The following ERICH6B variants were observed in gnomAD, a reference collection of about 807,000 sequenced individuals.
ERICH6B encodes the protein glutamate rich 6B.
ERICH6B carries 69 observed loss-of-function variants against 80.0 expected under a neutral mutation model. The ratio of observed to expected loss-of-function variants is 0.86; its 90% CI spans 0.71 to 1.05. ERICH6B has a LOEUF of 1.05. Among genes scored for constraint, ERICH6B ranks in the 50% least tolerant of loss-of-function variants. The pLI is 0.00. For missense variants in ERICH6B, 754 were observed against 796.1 expected (o/e 0.95, Z 0.64); for synonymous variants, 283 against 291.9 (o/e 0.97, Z 0.31).
chr13:45,567,433 G>A (rs1462907955), intron 9 of ERICH6B, among the ~76,000 whole-genome samples: 1 of 152,102 alleles, frequency 6.6e-6, no homozygotes, highest in Non-Finnish European at 1.5e-5. Context: ...GTTGTGAGAG[G>A]GACCCAGTGG....
chr13:45,550,025 G>C lies in ERICH6B; in HGVS notation c.1514C>G (p.Ala505Gly). ...CATTTTCGCATATAAGATGAGCATA[G>C]CCAGGTTTCCTGATGGATAACTGGG... The part of the protein sequence containing the change: ...GQIHYPSGNL[A>G]MLILYAKMKK... The change falls in exon 13 of 15, where the codon GCT (alanine) becomes GGT (glycine). Residue 505 changes from alanine to glycine, a missense_variant. Ala to Gly is a moderately conservative substitution (Grantham distance 60). Transcript: ENST00000298738. The C allele has an allele frequency of 6.4e-7, 1 of 1,551,854 alleles. No individual in the cohort carries two copies. The highest frequency in any genetic ancestry group is 8.7e-7 in the Non-Finnish European group (1 of 1,147,094).
At position 45,590,711 on chromosome 13, in the gene ERICH6B, G is replaced by C. The variant is rs1303040796; in HGVS notation, c.638-14C>G. On this transcript the variant is annotated splice_polypyrimidine_tract_variant and intron_variant, in intron 3 of 14. Transcript: ENST00000298738. ...TTGCCTTGGGTTCTATTGGAAAAAA[G>C]AATAAAAAAGCAATATTGGCAAAAA... 8.4e-6 allele frequency: 13 copies of C among 1,548,748 alleles called. No homozygotes were observed. The highest frequency in any genetic ancestry group is 1.1e-5 in the Non-Finnish European group (13 of 1,145,890).
intron 11 of ERICH6B, among the ~76,000 whole-genome samples, chr13:45,560,500 C>G (rs1486574992): frequency 6.6e-6 from 1 of 152,178 alleles, no homozygotes; most frequent in African/African-American, 2.4e-5. Flanking sequence ...CATTAGGGTT[C>G]TCTCTTGATG....
chr13:45,542,934 C>G (rs1873841099), intron 14 of ERICH6B, among the ~76,000 whole-genome samples: 1 of 152,218 alleles, frequency 6.6e-6, no homozygotes, highest in South Asian at 2.1e-4. Flanking sequence ...CCACCCTAAA[C>G]CTAGCACACT....
intron 12 of ERICH6B, 33 bp from the exon 13 acceptor site, chr13:45,550,078 C>CT: frequency 6.5e-7 from 1 of 1,549,364 alleles, no homozygotes; most frequent in Non-Finnish European, 8.7e-7. Flanking sequence ...GTAGTCAGTC[C>CT]TTGGGGTCCC....
intron 3 of ERICH6B, among the ~76,000 whole-genome samples, chr13:45,592,039 T>A (rs1053228103): frequency 6.6e-6 from 1 of 152,062 alleles, no homozygotes; most frequent in Admixed American, 6.6e-5. Context: ...GGAGAGAAAG[T>A]TTGGGAGCCT....
At position 45,604,972 on chromosome 13, in the gene ERICH6B, C is replaced by T. The variant is rs530925212; in HGVS notation, c.-59+2592G>A. 2.6e-5 allele frequency among the ~76,000 whole-genome samples: 4 copies of T among 152,310 alleles called. No homozygotes were observed. In the East Asian group the frequency reaches 7.7e-4, roughly 29 times the overall value. On this transcript the variant is annotated intron_variant, in intron 2 of 14. Transcript: ENST00000298738. ...GTTTGGATGAAAGCAGCTCTTTCTA[C>T]AGGCTGCTGGCTGGGCCAAGCTTTT...
At chr13:45,570,114 C>T (rs1286707713) in intron 8 of ERICH6B, among the ~76,000 whole-genome samples, 1 of 152,182 alleles carries the variant, frequency 6.6e-6, no homozygotes, top group Non-Finnish European at 1.5e-5. Context: ...TATGTGACGT[C>T]TTATGGGGTT....
chr13:45,595,335 A>C (rs908442459), intron 3 of ERICH6B, among the ~76,000 whole-genome samples: 1 of 152,270 alleles, frequency 6.6e-6, no homozygotes, highest in Admixed American at 6.5e-5. Context: ...GCAGTCATTA[A>C]AATGATTTGT....
intron 4 of ERICH6B, among the ~76,000 whole-genome samples, chr13:45,589,348 G>T (rs890707872): frequency 6.6e-6 from 1 of 152,182 alleles, no homozygotes; most frequent in African/African-American, 2.4e-5. Flanking sequence ...CAAAGGATTG[G>T]CTGGGTGTGT....
chr13:45,549,594 T>C (rs1453131226), intron 13 of ERICH6B, among the ~76,000 whole-genome samples: 2 of 152,234 alleles, frequency 1.3e-5, no homozygotes, highest in African/African-American at 2.4e-5. Flanking sequence ...TGGGTCTTCC[T>C]AAGCAAATTA....
At chr13:45,600,045 A>G (rs962493985) in intron 2 of ERICH6B, among the ~76,000 whole-genome samples, 1 of 152,190 alleles carries the variant, frequency 6.6e-6, no homozygotes, top group Non-Finnish European at 1.5e-5. Context: ...GGTGGAGGAC[A>G]CTGTCTTTGG....
At chr13:45,608,140 C>G (rs1451927348) in intron 1 of ERICH6B, among the ~76,000 whole-genome samples, 1 of 152,136 alleles carries the variant, frequency 6.6e-6, no homozygotes, top group African/African-American at 2.4e-5. Flanking sequence ...GGAAGTTGTG[C>G]AATGCCCAAT....
chr13:45,542,822 G>C lies in ERICH6B; in HGVS notation c.1873-1142C>G, dbSNP rs545858722. ...GGCCTTCCCAGGCAAGGGAACCTAGGGGGGTCAGCAGGCCAGGCCTGTGTG... is the reference window on the plus strand; with the variant it reads ...GGCCTTCCCAGGCAAGGGAACCTAGCGGGGTCAGCAGGCCAGGCCTGTGTG... On this transcript the variant is annotated intron_variant, in intron 14 of 14. Transcript: ENST00000298738. Among the ~76,000 whole-genome samples, 159 of 152,330 alleles carry C rather than the reference G, an allele frequency of 1.0e-3. 1 individual carries two copies. Among genetic ancestry groups the C allele is most frequent in the Non-Finnish European group, 1.9e-3 (126 of 68,030 alleles).
chr13:45,589,844 C>A (rs1430964669), intron 4 of ERICH6B, among the ~76,000 whole-genome samples: 2 of 152,204 alleles, frequency 1.3e-5, no homozygotes, highest in African/African-American at 2.4e-5. Flanking sequence ...CTGTCAGAGG[C>A]CTTGCAGTGC....
intron 1 of ERICH6B, among the ~76,000 whole-genome samples, chr13:45,612,695 C>T (rs1242002367): frequency 6.6e-6 from 1 of 152,200 alleles, no homozygotes; most frequent in Non-Finnish European, 1.5e-5. Flanking sequence ...CTGCTGACCT[C>T]CCTAAAGAAT....
At chr13:45,600,010 AG>A (rs1252694457) in intron 2 of ERICH6B, among the ~76,000 whole-genome samples, 1 of 152,062 alleles carries the variant, frequency 6.6e-6, no homozygotes, top group Non-Finnish European at 1.5e-5. Flanking sequence ...GGAGGAGGAG[AG>A]GTATAAATAA....
At chr13:45,582,789 C>A (rs570047121) in intron 5 of ERICH6B, among the ~76,000 whole-genome samples, 1 of 152,186 alleles carries the variant, frequency 6.6e-6, no homozygotes, top group Admixed American at 6.6e-5. Flanking sequence ...CATCAGGAAA[C>A]CTTTGGAAAT....
chr13:45,597,170 C>G, intron 2 of ERICH6B, 107 bp from the exon 3 acceptor site: 1 of 778,216 alleles, frequency 1.3e-6, no homozygotes, highest in South Asian at 2.0e-5. Flanking sequence ...TTGGAGGGCT[C>G]TTTAAGTATG....
Sources: allele counts gnomAD v4.1 joint callset (sites outside exome capture counted in the v4.1 genomes callset), GRCh38; gene constraint gnomAD v4.1.1; transcripts MANE v1.5; gene names NCBI Gene and HGNC (gene_info 2026-07-23, HGNC 2026-07-21).